Variants in JMJD1C observed in about 807,000 individuals in gnomAD.
JMJD1C encodes jumonji domain-containing protein 1C.
In JMJD1C, 31 loss-of-function variants were observed where a neutral mutation model predicts 245.3. The ratio of observed to expected loss-of-function variants is 0.13; its 90% CI spans 0.09 to 0.17. The LOEUF (loss-of-function observed/expected upper bound fraction) is 0.17, where lower values mean the gene tolerates loss of function less well. Among genes scored for constraint, JMJD1C ranks in the 10% least tolerant of loss-of-function variants. The pLI is 1.00. For synonymous variants in JMJD1C, 1,057 were observed against 1,017.4 expected, an observed-to-expected ratio of 1.04 and a Z score of -0.74; for missense variants, 2,691 against 3,000.2, an observed-to-expected ratio of 0.90 and a Z score of 2.41.
intron 1 of JMJD1C, among the ~76,000 whole-genome samples, chr10:63,440,383 G>T (rs1027258169): frequency 4.7e-5 from 7 of 150,274 alleles, no homozygotes; most frequent in African/African-American, 1.5e-4. Flanking sequence ...GAGAGAGAGA[G>T]AGAGAGCGCA....
chr10:63,372,183 T>C (rs1946369612), intron 2 of JMJD1C, among the ~76,000 whole-genome samples: 1 of 152,158 alleles, frequency 6.6e-6, no homozygotes, highest in Non-Finnish European at 1.5e-5. Flanking sequence ...TTAAAATAAA[T>C]AAATTGCTAA....
chr10:63,234,493 T>TAA lies in JMJD1C; in HGVS notation c.448-14512_448-14511dup, dbSNP rs71025129. On this transcript the variant is annotated intron_variant, in intron 3 of 25. Coordinates refer to ENST00000399262, the MANE Select transcript of JMJD1C (RefSeq NM_032776.3). Reference sequence around the variant, plus strand: ...TCATCAACAGAGAGAAACCTCCTCTTAAAAAAAAAAAAAAAAAAAAAAAAA... The same window carrying TAA: ...TCATCAACAGAGAGAAACCTCCTCTTAAAAAAAAAAAAAAAAAAAAAAAAAAA... 9.1e-3 allele frequency among the ~76,000 whole-genome samples: 338 copies of TAA among 37,008 alleles called. 15 individuals are homozygous for TAA. Among genetic ancestry groups the TAA allele is most frequent in the African/African-American group, 0.023 (201 of 8,898 alleles). 24.3% of individuals were successfully genotyped at this position (37,008 alleles called of 152,430 possible).
intron 1 of JMJD1C, among the ~76,000 whole-genome samples, chr10:63,498,855 G>A (rs1056633538): frequency 2.0e-5 from 3 of 152,046 alleles, no homozygotes; most frequent in South Asian, 4.1e-4. Flanking sequence ...GAATCTTTAC[G>A]TCCATTGAGC....
At chr10:63,275,478 G>A (rs1254024981) in intron 2 of JMJD1C, among the ~76,000 whole-genome samples, 6 of 151,844 alleles carry the variant, frequency 4.0e-5, no homozygotes, top group Admixed American at 1.3e-4. Flanking sequence ...AGGATTAGGA[G>A]GAAAAATCAA....
intron 1 of JMJD1C, among the ~76,000 whole-genome samples, chr10:63,515,790 A>G (rs1486727941): frequency 2.6e-5 from 4 of 152,226 alleles, no homozygotes; most frequent in African/African-American, 9.6e-5. Flanking sequence ...GTCTTCAGAG[A>G]TTACTTCTTA....
chr10:63,253,387 C>CTT (rs199689399), intron 3 of JMJD1C, among the ~76,000 whole-genome samples: 21 of 144,032 alleles, frequency 1.5e-4, no homozygotes, highest in East Asian at 1.2e-3. Context: ...TATATTACAC[C>CTT]TTTTTTTTTT....
chr10:63,305,874 A>G (rs960413832), intron 2 of JMJD1C, among the ~76,000 whole-genome samples: 2 of 151,842 alleles, frequency 1.3e-5, no homozygotes, highest in Non-Finnish European at 2.9e-5. Context: ...CTGGGACTAT[A>G]GGCATGTGCA....
chr10:63,168,602 T>C, intron 24 of JMJD1C, 36 bp from the exon 25 acceptor site: 1 of 1,529,314 alleles, frequency 6.5e-7, no homozygotes, highest in Non-Finnish European at 8.7e-7. Context: ...ATACAAGTTT[T>C]AGGAGGTGGA....
intron 1 of JMJD1C, among the ~76,000 whole-genome samples, chr10:63,424,760 T>A (rs1950343963): frequency 6.6e-6 from 1 of 152,144 alleles, no homozygotes; most frequent in African/African-American, 2.4e-5. Flanking sequence ...GAAAAAAGTA[T>A]AAACTGCTCA....
chr10:63,245,478 C>CTTTTTTT (rs71025134), intron 3 of JMJD1C, among the ~76,000 whole-genome samples: 12,315 of 89,674 alleles, frequency 0.14, 1,554 homozygotes, highest in Middle Eastern at 0.23. Context: ...CAGGGGAACT[C>CTTTTTTT]TTTTTTTTTT....
chr10:63,318,893 G>A (rs1466042756), intron 2 of JMJD1C, among the ~76,000 whole-genome samples: 2 of 151,888 alleles, frequency 1.3e-5, no homozygotes, highest in African/African-American at 2.4e-5. Flanking sequence ...ATTAAGGTTT[G>A]AAAAACCTTC....
chr10:63,432,771 G>A (rs533023512), intron 1 of JMJD1C, among the ~76,000 whole-genome samples: 2 of 152,260 alleles, frequency 1.3e-5, no homozygotes, highest in South Asian at 4.2e-4. Flanking sequence ...ACCTAGAACA[G>A]CCATAAGAAG....
At chr10:63,322,957 G>A (rs1478034788) in intron 2 of JMJD1C, among the ~76,000 whole-genome samples, 1 of 151,112 alleles carries the variant, frequency 6.6e-6, no homozygotes, top group Non-Finnish European at 1.5e-5. Context: ...CATAAATACA[G>A]AGGCAGAGCT....
At chr10:63,494,167 C>T (rs969986757) in intron 1 of JMJD1C, among the ~76,000 whole-genome samples, 3 of 152,006 alleles carry the variant, frequency 2.0e-5, no homozygotes, top group Admixed American at 6.5e-5. Flanking sequence ...AAAAGTTAGC[C>T]GGGCAAGGTG....
At chr10:63,330,050 G>A (rs546929419) in intron 2 of JMJD1C, among the ~76,000 whole-genome samples, 10 of 152,222 alleles carry the variant, frequency 6.6e-5, no homozygotes, top group African/African-American at 1.2e-4. Context: ...ACAGGCATGC[G>A]CCACCACGCC....
chr10:63,353,359 C>A (rs1241172718), intron 2 of JMJD1C, among the ~76,000 whole-genome samples: 1 of 152,082 alleles, frequency 6.6e-6, no homozygotes, highest in Non-Finnish European at 1.5e-5. Flanking sequence ...AAAGGGAAGA[C>A]CATGCAAGTC....
intron 3 of JMJD1C, among the ~76,000 whole-genome samples, chr10:63,243,033 C>A (rs1024025729): frequency 6.7e-6 from 1 of 148,512 alleles, no homozygotes; most frequent in African/African-American, 2.5e-5. Context: ...TGTTCTATTG[C>A]CAATTTCTGA....
At chr10:63,211,052 T>C (rs1420568217) in intron 8 of JMJD1C, among the ~76,000 whole-genome samples, 5 of 152,142 alleles carry the variant, frequency 3.3e-5, no homozygotes, top group Admixed American at 6.5e-5. Flanking sequence ...CATATGAAAG[T>C]AGAGCCAAAA....
intron 3 of JMJD1C, among the ~76,000 whole-genome samples, chr10:63,224,654 A>T (rs1170294439): frequency 6.6e-6 from 1 of 152,222 alleles, no homozygotes; most frequent in Non-Finnish European, 1.5e-5. Context: ...AACAAGGCTG[A>T]CTTACAGATA....
Sources: allele counts gnomAD v4.1 joint callset (sites outside exome capture counted in the v4.1 genomes callset), GRCh38; gene constraint gnomAD v4.1.1; transcripts MANE v1.5; gene names NCBI Gene and HGNC (gene_info 2026-07-23, HGNC 2026-07-21).